LRRC37A2: variants seen among roughly 807,000 people sequenced by gnomAD.
LRRC37A2 encodes the protein leucine rich repeat containing 37 member A2.
Under a neutral mutation model 68.8 loss-of-function variants are expected in LRRC37A2, and 9 were observed. The ratio of observed to expected loss-of-function variants is 0.13; its 90% CI spans 0.08 to 0.23. The LOEUF is 0.23. Ranked by LOEUF, LRRC37A2 falls within the 10% of genes least tolerant of loss-of-function variation. LRRC37A2 has a pLI of 1.00. For missense variants in LRRC37A2, 168 were observed against 950.4 expected (o/e 0.18, Z 10.82); for synonymous variants, 63 against 367.6 (o/e 0.17, Z 9.48).
At chr17:46,970,328 G>A in the LRRC37A2 span, among the ~76,000 whole-genome samples, 1 of 152,052 alleles carries the variant, frequency 6.6e-6, no homozygotes, top group Admixed American at 6.5e-5. Context: ...ATCACCTGAG[G>A]TCAGGAGTTC....
the LRRC37A2 span, among the ~76,000 whole-genome samples, chr17:46,985,484 C>T: frequency 1.7e-4 from 26 of 148,776 alleles, no homozygotes; most frequent in South Asian, 1.5e-3. Flanking sequence ...CGCACCATTG[C>T]ACTCCAGCCT....
chr17:46,901,409 G>T, the LRRC37A2 span, among the ~76,000 whole-genome samples: 1 of 152,042 alleles, frequency 6.6e-6, no homozygotes, highest in Admixed American at 6.6e-5. Context: ...TGATCCGCCT[G>T]CCTCAGCCTC....
the LRRC37A2 span, among the ~76,000 whole-genome samples, chr17:47,015,896 G>T: frequency 2.0e-5 from 3 of 151,744 alleles, no homozygotes; most frequent in Non-Finnish European, 4.4e-5. Context: ...TATAACAATA[G>T]CTCCATCCCT....
the LRRC37A2 span, chr17:46,936,258 A>AT: frequency 1.0e-6 from 1 of 985,292 alleles, no homozygotes; most frequent in Non-Finnish European, 1.2e-6. Context: ...TTCATATCTC[A>AT]GAAAAACAGT....
the LRRC37A2 span, among the ~76,000 whole-genome samples, chr17:46,874,473 C>T: frequency 6.6e-6 from 1 of 152,192 alleles, no homozygotes; most frequent in Non-Finnish European, 1.5e-5. Flanking sequence ...TCTCAGTGTT[C>T]TTCTCTGAGA....
At chr17:46,783,204 C>T in the LRRC37A2 span, among the ~76,000 whole-genome samples, 1 of 152,088 alleles carries the variant, frequency 6.6e-6, no homozygotes, top group Admixed American at 6.6e-5. Flanking sequence ...GAGCTGGGAC[C>T]CAAGGTCTTG....
At chr17:46,605,557 T>C in the LRRC37A2 span, among the ~76,000 whole-genome samples, 2 of 116,576 alleles carry the variant, frequency 1.7e-5, no homozygotes, top group Non-Finnish European at 3.6e-5. Context: ...CAGGGAGTAA[T>C]ATTTTCCATA....
At chr17:47,035,625 C>T in the LRRC37A2 span, among the ~76,000 whole-genome samples, 1 of 152,204 alleles carries the variant, frequency 6.6e-6, no homozygotes, top group Non-Finnish European at 1.5e-5. Context: ...CTGCTATGGA[C>T]ATGCATGTAC....
At chr17:46,713,572 C>T in the LRRC37A2 span, among the ~76,000 whole-genome samples, 1 of 152,016 alleles carries the variant, frequency 6.6e-6, no homozygotes, top group Non-Finnish European at 1.5e-5. Context: ...GAAGCAAAAC[C>T]CTTACACTCT....
At chr17:46,543,881 C>A (rs1167688995) in intron 8 of LRRC37A2, among the ~76,000 whole-genome samples, 3 of 149,196 alleles carry the variant, frequency 2.0e-5, no homozygotes, top group Admixed American at 2.0e-4. Context: ...CTTTGGGAGG[C>A]CAAAGAGAGA....
the LRRC37A2 span, among the ~76,000 whole-genome samples, chr17:46,986,610 T>C: frequency 6.6e-6 from 1 of 152,192 alleles, no homozygotes; most frequent in East Asian, 1.9e-4. Context: ...TGTAGCAAGA[T>C]GCCAACTCCT....
chr17:47,018,687 GC>G, the LRRC37A2 span: 1 of 1,520,354 alleles, frequency 6.6e-7, no homozygotes, highest in South Asian at 1.1e-5. Context: ...GCAGGAGGCT[GC>G]AGCTGAGCAT....
chr17:46,837,655 G>A, the LRRC37A2 span, among the ~76,000 whole-genome samples: 1 of 152,212 alleles, frequency 6.6e-6, no homozygotes. Context: ...AAAGGACTGA[G>A]GCTGGGAACA....
the LRRC37A2 span, chr17:46,768,881 A>ACC: frequency 6.4e-7 from 1 of 1,554,532 alleles, no homozygotes; most frequent in South Asian, 1.2e-5. This position sits in a 1 kb window ranked among gnomAD's most constrained non-coding sequence, Gnocchi z 5.0. Context: ...GCCACTGCCC[A>ACC]CCCCCTTCCC....
chr17:46,760,990 T>G, the LRRC37A2 span, among the ~76,000 whole-genome samples: 1 of 152,188 alleles, frequency 6.6e-6, no homozygotes, highest in Non-Finnish European at 1.5e-5. Flanking sequence ...TCTTCCAAAG[T>G]CTGAAATATT....
the LRRC37A2 span, among the ~76,000 whole-genome samples, chr17:46,777,780 G>A: frequency 6.6e-6 from 1 of 152,248 alleles, no homozygotes; most frequent in Admixed American, 6.5e-5. Flanking sequence ...ATGCAAGGAA[G>A]TGGCTGAGCC....
the LRRC37A2 span, among the ~76,000 whole-genome samples, chr17:46,752,656 A>C: frequency 9.7e-4 from 147 of 152,274 alleles, 1 homozygote; most frequent in South Asian, 3.3e-3. Context: ...TGGTTTCACT[A>C]TGTTGCCCAG....
chr17:46,801,573 T>G, the LRRC37A2 span, among the ~76,000 whole-genome samples: 15 of 124,294 alleles, frequency 1.2e-4, no homozygotes, highest in Admixed American at 1.2e-3. Context: ...TGAGCTGTGA[T>G]TGCGCCATTA....
At chr17:46,737,190 G>A in the LRRC37A2 span, among the ~76,000 whole-genome samples, 9 of 152,176 alleles carry the variant, frequency 5.9e-5, no homozygotes, top group African/African-American at 2.2e-4. Flanking sequence ...GTTCAATTGT[G>A]AAGTTTGTGC....
Sources: gnomAD v4.1 joint callset for allele counts (sites outside exome capture counted in the v4.1 genomes callset) on GRCh38, gnomAD v4.1.1 for gene constraint, Gnocchi (gnomAD v3.1) non-coding constraint, MANE v1.5 for transcripts, NCBI Gene and HGNC (gene_info 2026-07-23, HGNC 2026-07-21) for gene names.